The following TAMM41 variants were observed in gnomAD, a reference collection of about 807,000 sequenced individuals.
The protein encoded by TAMM41 is TAM41 mitochondrial translocator assembly and maintenance homolog.
In TAMM41, 36 loss-of-function variants were observed where a neutral mutation model predicts 44.1. The ratio of observed to expected loss-of-function variants is 0.82; its 90% CI spans 0.63 to 1.08. The LOEUF is 1.08. Ranked by LOEUF, TAMM41 falls within the 50% of genes least tolerant of loss-of-function variation. The pLI is 0.00. For synonymous variants in TAMM41, 164 were observed against 153.1 expected, an observed-to-expected ratio of 1.07 and a Z score of -0.53; for missense variants, 417 against 404.3, an observed-to-expected ratio of 1.03 and a Z score of -0.27.
the TAMM41 span, among the ~76,000 whole-genome samples, chr3:11,725,181 C>CCTCCT: frequency 1.3e-5 from 1 of 78,076 alleles, no homozygotes; most frequent in African/African-American, 4.3e-5. Context: ...TGTTCTCTTC[C>CCTCCT]CTCTTTTGCT....
chr3:11,816,667 G>C (rs1363030395), intron 5 of TAMM41, among the ~76,000 whole-genome samples: 7 of 152,180 alleles, frequency 4.6e-5, no homozygotes, highest in Non-Finnish European at 2.9e-5. Flanking sequence ...TCAGGAGGCT[G>C]AGGTGGGAGG....
chr3:11,844,678 T>A (rs538765774), intron 1 of TAMM41, among the ~76,000 whole-genome samples: 103 of 152,296 alleles, frequency 6.8e-4, no homozygotes, highest in Admixed American at 5.0e-3. Flanking sequence ...TTCTTCTGGA[T>A]CAAATTAGCA....
the TAMM41 span, among the ~76,000 whole-genome samples, chr3:11,740,156 A>G: frequency 6.6e-6 from 1 of 152,186 alleles, no homozygotes; most frequent in African/African-American, 2.4e-5. Context: ...TTTAACTTAG[A>G]CCAGAATAAT....
At chr3:11,836,664 A>G (rs1303682131) in intron 3 of TAMM41, among the ~76,000 whole-genome samples, 1 of 152,040 alleles carries the variant, frequency 6.6e-6, no homozygotes, top group East Asian at 1.9e-4. Context: ...GGGTTTCACT[A>G]TGATGGCCAG....
intron 7 of TAMM41, among the ~76,000 whole-genome samples, chr3:11,803,455 C>T (rs1421938862): frequency 1.3e-5 from 2 of 152,064 alleles, no homozygotes; most frequent in Non-Finnish European, 2.9e-5. Context: ...AATGCTTATA[C>T]ACTGTTGAAG....
At chr3:11,786,286 TTTATTATTA>T (rs60089566), downstream of TAMM41, among the ~76,000 whole-genome samples, 26,341 of 138,170 alleles carry the variant, frequency 0.19, 2,639 homozygotes, top group Non-Finnish European at 0.22. Context: ...TTTATTTAAT[TTTATTATTA>T]TTATTATTAT....
chr3:11,840,589 C>A lies in TAMM41; in HGVS notation c.319-1275G>T, dbSNP rs562852984. On this transcript the variant is annotated intron_variant, in intron 2 of 7. Transcript: ENST00000455809. ...TCACAGTGAACCGATTTTGTCCATG[C>A]GACAGGCAGGAAGAACCCACCAGGC... Among the ~76,000 whole-genome samples, 351 of 151,862 alleles carry A rather than the reference C, an allele frequency of 2.3e-3. 1 individual carries two copies. Among genetic ancestry groups the A allele is most frequent in the South Asian group, 4.4e-3 (21 of 4,804 alleles).
At chr3:11,754,715 T>TA in the TAMM41 span, among the ~76,000 whole-genome samples, 22 of 143,846 alleles carry the variant, frequency 1.5e-4, no homozygotes, top group African/African-American at 5.7e-4. Context: ...TCTCTTTTTT[T>TA]TTTTTTTTTT....
At chr3:11,824,093 T>C (rs2078642677) in intron 4 of TAMM41, among the ~76,000 whole-genome samples, 1 of 151,860 alleles carries the variant, frequency 6.6e-6, no homozygotes, top group South Asian at 2.1e-4. Flanking sequence ...TCCCAAAGTG[T>C]TGGGATTACA....
At chr3:11,754,767 G>A in the TAMM41 span, among the ~76,000 whole-genome samples, 442 of 139,184 alleles carry the variant, frequency 3.2e-3, 1 homozygote, top group African/African-American at 0.011. Flanking sequence ...ACACTGGAGC[G>A]CACTGGCATG....
intron 7 of TAMM41, among the ~76,000 whole-genome samples, chr3:11,804,079 GA>G (rs553227344): frequency 4.0e-5 from 6 of 151,788 alleles, no homozygotes; most frequent in Non-Finnish European, 5.9e-5. Flanking sequence ...AAATTAAAAA[GA>G]AAAAAAAGTG....
the TAMM41 span, among the ~76,000 whole-genome samples, chr3:11,770,415 T>C: frequency 6.6e-6 from 1 of 152,066 alleles, no homozygotes; most frequent in Non-Finnish European, 1.5e-5. Context: ...CTGGGCAAAA[T>C]AAAGGGGGCA....
chr3:11,822,312 T>G (rs1367420307), intron 4 of TAMM41, among the ~76,000 whole-genome samples: 1 of 152,202 alleles, frequency 6.6e-6, no homozygotes, highest in Non-Finnish European at 1.5e-5. Flanking sequence ...CAGATATAAT[T>G]CACATACCAT....
chr3:11,829,994 C>T (rs1559312255), intron 3 of TAMM41, 130 bp from the exon 4 acceptor site: 1 of 852,418 alleles, frequency 1.2e-6, no homozygotes, highest in Non-Finnish European at 1.8e-6. Context: ...GTTCAGGTGA[C>T]ACAAAATTGT....
At chr3:11,821,687 T>C (rs2078527463) in intron 4 of TAMM41, among the ~76,000 whole-genome samples, 1 of 152,032 alleles carries the variant, frequency 6.6e-6, no homozygotes, top group African/African-American at 2.4e-5. Flanking sequence ...GGATGGAGGG[T>C]AGAGGAAGCG....
the TAMM41 span, among the ~76,000 whole-genome samples, chr3:11,734,487 A>G: frequency 1.3e-5 from 2 of 152,164 alleles, no homozygotes; most frequent in Admixed American, 6.5e-5. Flanking sequence ...TCTTACAGTC[A>G]TATGGGCCCT....
the TAMM41 span, among the ~76,000 whole-genome samples, chr3:11,785,243 G>A: frequency 6.6e-6 from 1 of 152,172 alleles, no homozygotes; most frequent in African/African-American, 2.4e-5. Context: ...CAGATCAGAA[G>A]ATAGGAGGAA....
At chr3:11,811,146 G>C (rs566703427) in intron 5 of TAMM41, 1 of 152,230 alleles carries the variant, frequency 6.6e-6, no homozygotes, top group East Asian at 1.9e-4. Context: ...AAGAGAAGGA[G>C]AAAAATGTTA....
chr3:11,736,498 CA>C, the TAMM41 span, among the ~76,000 whole-genome samples: 2 of 152,190 alleles, frequency 1.3e-5, no homozygotes, highest in African/African-American at 4.8e-5. Flanking sequence ...AAGGAAGACA[CA>C]GTTTCTCATG....
Sources: allele counts gnomAD v4.1 joint callset (sites outside exome capture counted in the v4.1 genomes callset), GRCh38; gene constraint gnomAD v4.1.1; transcripts MANE v1.5; gene names NCBI Gene and HGNC (gene_info 2026-07-23, HGNC 2026-07-21).